Variants in ELF4 observed in about 807,000 individuals in gnomAD.
The protein encoded by ELF4 is ETS-related transcription factor Elf-4.
Under a neutral mutation model 31.7 loss-of-function variants are expected in ELF4, and 10 were observed. The observed-to-expected ratio is 0.32, with a 90% CI of 0.19 to 0.54. ELF4 has a LOEUF of 0.54. ELF4 is among the 20% of genes least tolerant of loss of function. ELF4 has a pLI of 0.95. For synonymous variants in ELF4, 208 were observed against 226.7 expected (o/e 0.92, Z 0.74); for missense variants, 418 against 522.0 (o/e 0.80, Z 1.94).
chrX:130,109,931 G>A (rs1205975004), intron 1 of ELF4, among the ~76,000 whole-genome samples: 3 of 112,778 alleles, frequency 2.7e-5, no homozygotes, highest in African/African-American at 9.6e-5. Context: ...TAAAGCCCTG[G>A]CCCCAGAAGC....
chrX:130,096,332 G>T (rs952194465), intron 1 of ELF4, among the ~76,000 whole-genome samples: 11 of 110,641 alleles, frequency 9.9e-5, no homozygotes, highest in Non-Finnish European at 1.9e-4. Context: ...ACAGGTGTGT[G>T]CCAGCCATAC....
At chrX:130,070,088 G>C (rs192720808) in intron 7 of ELF4, among the ~76,000 whole-genome samples, 2 of 111,652 alleles carry the variant, frequency 1.8e-5, no homozygotes, top group East Asian at 5.7e-4. Flanking sequence ...TTGCAGATGT[G>C]AAGAAAGCCC....
intron 3 of ELF4, 111 bp from the exon 4 acceptor site, chrX:130,074,252 C>G: frequency 1.2e-6 from 1 of 854,068 alleles, no homozygotes; most frequent in Admixed American, 2.3e-5. Context: ...GGTAAGCATC[C>G]TTCGGGCTGA....
chrX:130,079,941 G>C (rs1200207439), intron 2 of ELF4, among the ~76,000 whole-genome samples: 1 of 111,995 alleles, frequency 8.9e-6, no homozygotes, highest in African/African-American at 3.2e-5. Context: ...TTTAAGGCAA[G>C]GAGGTAGACG....
In ELF4 at chrX:130,067,469, G is replaced by A. The variant is rs756574054; in HGVS notation, c.1244C>T (p.Ser415Leu). The change falls in exon 9 of 9, where the codon TCG becomes TTG. Residue 415 changes from serine (S) to leucine (L), a missense_variant. Physicochemically the swap from Ser to Leu is moderately radical, Grantham distance 145. Around this residue, in one of 4 missense-constraint regions of ELF4, gnomAD observed 260 missense variants for 269.2 expected, o/e 0.97. Coordinates refer to ENST00000308167, the MANE Select transcript of ELF4 (RefSeq NM_001421.4). ...TGGGATCGTCTGCAGGGTCAGGGCC[G>A]AGCCCGACCCCACGGGGGCCACTCC... The part of the protein sequence containing the change: ...HLGVAPVGSG[S>L]ALTLQTIPLT... 8.9e-5 allele frequency: 108 copies of A among 1,210,157 alleles called. No homozygotes were observed. Among genetic ancestry groups the A allele is most frequent in the Non-Finnish European group, 1.1e-4 (96 of 895,217 alleles).
rs1011519619 is a variant in ELF4 at position 130,064,980 on chromosome X, G to A, written c.*1741C>T. ...AAAAGGCACTTTAATGCCAACTGCT[G>A]GAAACACGCATAGTAAATACATTTG... On this transcript the variant is annotated 3_prime_UTR_variant, in exon 9 of 9. Coordinates refer to ENST00000308167, the MANE Select transcript of ELF4 (RefSeq NM_001421.4). 5.9e-6 allele frequency: 1 copy of A among 168,255 alleles called. No homozygotes were observed. Among genetic ancestry groups the A allele is most frequent in the Non-Finnish European group, 1.1e-5 (1 of 87,487 alleles). 13.9% of individuals were successfully genotyped at this position (168,255 alleles called of 1,213,427 possible).
At chrX:130,104,909 A>G (rs750173075) in intron 1 of ELF4, among the ~76,000 whole-genome samples, 4 of 111,360 alleles carry the variant, frequency 3.6e-5, no homozygotes, top group Middle Eastern at 4.6e-3. Flanking sequence ...CTGTAATCCC[A>G]GCACTTTGGG....
intron 1 of ELF4, among the ~76,000 whole-genome samples, chrX:130,101,010 A>G (rs1042709812): frequency 1.8e-5 from 2 of 112,391 alleles, no homozygotes; most frequent in African/African-American, 6.5e-5. Context: ...GTTAGGGACA[A>G]GATGTATTAG....
intron 1 of ELF4, among the ~76,000 whole-genome samples, chrX:130,106,152 T>A (rs891859504): frequency 5.7e-5 from 6 of 104,752 alleles, no homozygotes; most frequent in African/African-American, 2.1e-4. Flanking sequence ...TGCTTCCCCC[T>A]CTCCCCCCTT....
chrX:130,110,232 G>GC (rs1321677639), intron 1 of ELF4, 93 bp downstream of exon 1: 1 of 110,753 alleles, frequency 9.0e-6, no homozygotes, highest in Non-Finnish European at 1.9e-5. Flanking sequence ...TGGGCCCCCA[G>GC]CCCCACGCCG....
intron 1 of ELF4, among the ~76,000 whole-genome samples, chrX:130,094,565 C>CAA (rs1237045326): frequency 2.1e-5 from 2 of 94,889 alleles, no homozygotes; most frequent in Non-Finnish European, 4.3e-5. Context: ...GACTCCATCT[C>CAA]AAAAAAAAAA....
chrX:130,074,840 C>G, intron 2 of ELF4, 88 bp from the exon 3 acceptor site: 6 of 1,068,947 alleles, frequency 5.6e-6, no homozygotes, highest in Non-Finnish European at 7.7e-6. Flanking sequence ...TGTGCAAGTC[C>G]TTATTCTTGG....
intron 1 of ELF4, among the ~76,000 whole-genome samples, chrX:130,093,864 C>CT (rs1265707624): frequency 8.9e-6 from 1 of 112,202 alleles, no homozygotes; most frequent in Non-Finnish European, 1.9e-5. Flanking sequence ...AGAAGGTGAT[C>CT]TTGATACCTC....
At chrX:130,102,593 A>G (rs1933281710) in intron 1 of ELF4, among the ~76,000 whole-genome samples, 1 of 110,128 alleles carries the variant, frequency 9.1e-6, no homozygotes, top group Non-Finnish European at 1.9e-5. Context: ...CTGGGAGGAT[A>G]GCTTGAGGCC....
Position 130,066,851 on chromosome X carries a change from G to A in ELF4, c.1862C>T (p.Ser621Leu). ...PVAELELSSG[S>L]GSLLMAEPSV... ...AGGCTCAGCCATCAGCAGGGACCCT[G>A]AGCCTGAGGAGAGCTCAAGTTCAGC... is the stretch of plus-strand genomic sequence containing the variant. The change falls in exon 9 of 9, where the codon TCA becomes TTA. Residue 621 changes from serine (S) to leucine (L), a missense_variant. By Grantham distance (145) the Ser-to-Leu change is moderately radical. Around this residue, in one of 4 missense-constraint regions of ELF4, gnomAD observed 260 missense variants for 269.2 expected, o/e 0.97. Transcript: ENST00000308167. 8.3e-7 allele frequency: 1 copy of A among 1,211,169 alleles called. No individual in the cohort carries two copies. Among genetic ancestry groups the A allele is most frequent in the Non-Finnish European group, 1.1e-6 (1 of 894,925 alleles).
chrX:130,083,085 G>A (rs1932907697), intron 1 of ELF4, among the ~76,000 whole-genome samples: 1 of 102,470 alleles, frequency 9.8e-6, no homozygotes, highest in Non-Finnish European at 2.0e-5. Flanking sequence ...CCGTGCCTTT[G>A]CCCCACCCCC....
At chrX:130,102,853 TGAGAG>T (rs1933288695) in intron 1 of ELF4, among the ~76,000 whole-genome samples, 1 of 58,486 alleles carries the variant, frequency 1.7e-5, no homozygotes, top group Non-Finnish European at 3.0e-5. Flanking sequence ...AAGATAAAGA[TGAGAG>T]AGAGAGAGAG....
intron 1 of ELF4, among the ~76,000 whole-genome samples, chrX:130,109,269 C>T (rs1744791864): frequency 8.9e-6 from 1 of 112,383 alleles, no homozygotes; most frequent in Admixed American, 9.3e-5. Flanking sequence ...ACCTCACTTC[C>T]GCTCCTACCT....
At chrX:130,081,773 G>T (rs1181600563) in intron 1 of ELF4, among the ~76,000 whole-genome samples, 1 of 112,293 alleles carries the variant, frequency 8.9e-6, no homozygotes, top group Non-Finnish European at 1.9e-5. Context: ...GTGGCTGAGT[G>T]TTGGTGCCCG....
Sources: gnomAD v4.1 joint callset for allele counts (sites outside exome capture counted in the v4.1 genomes callset) on GRCh38, gnomAD v4.1.1 for gene constraint, gnomAD v4.1.1 regional missense constraint, MANE v1.5 for transcripts, NCBI Gene and HGNC (gene_info 2026-07-23, HGNC 2026-07-21) for gene names.